Variants in SLC15A1 observed in about 807,000 individuals in gnomAD.
The protein encoded by SLC15A1 is Caco-2 oligopeptide transporter.
SLC15A1 carries 83 observed loss-of-function variants against 92.9 expected under a neutral mutation model. That is an observed-to-expected ratio of 0.89 (90% CI 0.75 to 1.07). The LOEUF (loss-of-function observed/expected upper bound fraction) is 1.07. SLC15A1 is among the 50% of genes least tolerant of loss of function. The probability of loss-of-function intolerance (pLI) is 0.00; values close to 1 mark genes in which losing one functional copy is unlikely to be tolerated. For missense variants in SLC15A1, 857 were observed against 880.1 expected (o/e 0.97, Z 0.33); for synonymous variants, 322 against 318.2 (o/e 1.01, Z -0.13).
chr13:98,697,366 T>G (rs1431671771), intron 18 of SLC15A1, among the ~76,000 whole-genome samples: 1 of 152,146 alleles, frequency 6.6e-6, no homozygotes, highest in Non-Finnish European at 1.5e-5. Flanking sequence ...AGAAAATAAA[T>G]TTCTATGTAC....
rs1181387297 is a variant in SLC15A1 at position 98,684,074 on chromosome 13, CTT to C, written c.*648_*649del. ...GAAATGAACAGTATGGAATAGGAAA[CTT>C]TGTTACCATTTCAAAATTAAGCTAG... is the stretch of plus-strand genomic sequence containing the variant. On this transcript the variant is annotated 3_prime_UTR_variant, in exon 23 of 23. Transcript: ENST00000376503. The C allele has an allele frequency of 1.3e-5, 2 of 152,184 alleles. No individual in the cohort carries two copies. Among genetic ancestry groups the C allele is most frequent in the African/African-American group, 4.8e-5 (2 of 41,420 alleles). 9.4% of individuals were successfully genotyped at this position (152,184 alleles called of 1,614,324 possible).
rs866359881 is a variant in SLC15A1, at chr13:98,749,727, A to G, written c.4+2868T>C. Among the ~76,000 whole-genome samples, 4 of 152,144 alleles carry G rather than the reference A, an allele frequency of 2.6e-5. No homozygotes were observed. In the South Asian group the frequency reaches 6.2e-4, roughly 24 times the overall value. Reference sequence around the variant, plus strand: ...ATACCTTGGCTAGGATCCCCAAACTATGGCTCATGGGCTACATCTGGCCCA... The same window carrying G: ...ATACCTTGGCTAGGATCCCCAAACTGTGGCTCATGGGCTACATCTGGCCCA... On this transcript the variant is annotated intron_variant, in intron 1 of 22. Transcript: ENST00000376503.
chr13:98,744,472 C>G (rs1266806936), intron 1 of SLC15A1, among the ~76,000 whole-genome samples: 5 of 151,638 alleles, frequency 3.3e-5, no homozygotes, highest in African/African-American at 1.2e-4. Context: ...ATGGCAAAGC[C>G]GGGTGCGGTG....
chr13:98,691,923 A>G (rs373292362), intron 18 of SLC15A1, among the ~76,000 whole-genome samples: 31 of 152,066 alleles, frequency 2.0e-4, no homozygotes, highest in African/African-American at 7.2e-4. Flanking sequence ...AAAATACAAA[A>G]TTAGCTGGAC....
intron 18 of SLC15A1, among the ~76,000 whole-genome samples, chr13:98,696,511 G>A (rs1041760837): frequency 6.6e-6 from 1 of 152,086 alleles, no homozygotes; most frequent in African/African-American, 2.4e-5. Flanking sequence ...ATTGCTCAAA[G>A]TTTCCAAGGT....
At chr13:98,692,454 C>G (rs955832844) in intron 18 of SLC15A1, among the ~76,000 whole-genome samples, 1 of 152,092 alleles carries the variant, frequency 6.6e-6, no homozygotes, top group Non-Finnish European at 1.5e-5. Context: ...CCACTAAACC[C>G]GGTCTTCCTA....
intron 18 of SLC15A1, among the ~76,000 whole-genome samples, chr13:98,699,939 T>G (rs184400377): frequency 1.4e-3 from 219 of 152,334 alleles, no homozygotes; most frequent in South Asian, 3.9e-3. Flanking sequence ...TCAAATCTTT[T>G]GCGTTTTTAA....
chr13:98,698,070 G>A (rs950802425), intron 18 of SLC15A1, among the ~76,000 whole-genome samples: 2 of 152,176 alleles, frequency 1.3e-5, no homozygotes, highest in Admixed American at 6.6e-5. Context: ...AAAAATAGAA[G>A]CTGTGCAAGA....
chr13:98,743,520 T>C (rs1376535611), intron 1 of SLC15A1, among the ~76,000 whole-genome samples: 1 of 152,162 alleles, frequency 6.6e-6, no homozygotes, highest in Non-Finnish European at 1.5e-5. Flanking sequence ...AGACAGTTGA[T>C]TTCCAACCTG....
chr13:98,690,911 C>G (rs770312768), intron 18 of SLC15A1, among the ~76,000 whole-genome samples: 6 of 152,226 alleles, frequency 3.9e-5, no homozygotes, highest in Non-Finnish European at 8.8e-5. Context: ...CATCTGCTTT[C>G]TGTCTCCATG....
intron 1 of SLC15A1, among the ~76,000 whole-genome samples, chr13:98,733,410 T>A (rs2088365761): frequency 6.6e-6 from 1 of 152,212 alleles, no homozygotes; most frequent in Non-Finnish European, 1.5e-5. Context: ...TTTATTAATT[T>A]TTTCCTAAAC....
chr13:98,699,814 A>G (rs536034034), intron 18 of SLC15A1, among the ~76,000 whole-genome samples: 2 of 152,190 alleles, frequency 1.3e-5, no homozygotes, highest in Non-Finnish European at 2.9e-5. Flanking sequence ...CAGCCACCTG[A>G]TAGGTGTGTT....
intron 18 of SLC15A1, among the ~76,000 whole-genome samples, chr13:98,693,087 GTTTTTTTTTTT>G (rs55817470): frequency 5.2e-4 from 30 of 58,048 alleles, no homozygotes; most frequent in African/African-American, 2.1e-3. Context: ...TATTGTCTAC[GTTTTTTTTTTT>G]TTTTTTTTTT....
At chr13:98,710,020 G>A (rs551188381) in intron 11 of SLC15A1, 109 bp from the exon 12 acceptor site, 1 of 1,029,482 alleles carries the variant, frequency 9.7e-7, no homozygotes, top group Non-Finnish European at 1.5e-6. Flanking sequence ...ACATGTTATG[G>A]GATTTAAAGT....
intron 14 of SLC15A1, among the ~76,000 whole-genome samples, chr13:98,709,141 G>T (rs545404349): frequency 6.6e-6 from 1 of 151,888 alleles, no homozygotes; most frequent in Admixed American, 6.6e-5. Flanking sequence ...CTTATTTTTC[G>T]TATTTTTAGT....
chr13:98,717,573 T>C (rs1010567919), intron 8 of SLC15A1, among the ~76,000 whole-genome samples: 2 of 152,184 alleles, frequency 1.3e-5, no homozygotes, highest in Non-Finnish European at 2.9e-5. Context: ...GCTCTCTGTC[T>C]CCTGCCAAGA....
At chr13:98,736,894 G>A (rs1282919808) in intron 1 of SLC15A1, among the ~76,000 whole-genome samples, 1 of 152,192 alleles carries the variant, frequency 6.6e-6, no homozygotes, top group Non-Finnish European at 1.5e-5. Context: ...CACTGTTGGT[G>A]GGAGTGTAAA....
At chr13:98,713,980 G>C (rs962266338) in intron 9 of SLC15A1, among the ~76,000 whole-genome samples, 3 of 151,298 alleles carry the variant, frequency 2.0e-5, no homozygotes, top group Non-Finnish European at 4.4e-5. Context: ...TTGAATCTGG[G>C]AGACGGAGGT....
At chr13:98,743,475 G>T (rs534982704) in intron 1 of SLC15A1, among the ~76,000 whole-genome samples, 1 of 152,206 alleles carries the variant, frequency 6.6e-6, no homozygotes, top group East Asian at 1.9e-4. Context: ...GATCTCTCTG[G>T]GACCCAGGAT....
Sources: allele counts gnomAD v4.1 joint callset (sites outside exome capture counted in the v4.1 genomes callset), GRCh38; gene constraint gnomAD v4.1.1; transcripts MANE v1.5; gene names NCBI Gene and HGNC (gene_info 2026-07-23, HGNC 2026-07-21).